Variants in BRCC3 observed in about 807,000 individuals in gnomAD.
The protein encoded by BRCC3 is BRCA1/BRCA2-containing complex subunit 3.
BRCC3 carries 15 observed loss-of-function variants against 28.0 expected under a neutral mutation model. That is an observed-to-expected ratio of 0.54 (90% CI 0.36 to 0.82). BRCC3 has a LOEUF of 0.82. BRCC3 is among the 40% of genes least tolerant of loss of function. The pLI is 0.01. For synonymous variants in BRCC3, 66 were observed against 80.3 expected (o/e 0.82, Z 0.95); for missense variants, 109 against 225.9 (o/e 0.48, Z 3.32).
chrX:155,118,464 A>G (rs1327553090), intron 9 of BRCC3, among the ~76,000 whole-genome samples: 4 of 111,966 alleles, frequency 3.6e-5, no homozygotes, highest in Non-Finnish European at 7.5e-5. Context: ...AATGGTATGT[A>G]TCTTGACTAG....
At chrX:155,085,493 C>T (rs1170041557) in intron 5 of BRCC3, among the ~76,000 whole-genome samples, 3 of 111,932 alleles carry the variant, frequency 2.7e-5, no homozygotes, top group Admixed American at 9.4e-5. Flanking sequence ...TGGTCCAATC[C>T]GTAACCTGCT....
chrX:155,105,005 G>C (rs1239748438), intron 7 of BRCC3, among the ~76,000 whole-genome samples: 1 of 111,737 alleles, frequency 8.9e-6, no homozygotes, highest in East Asian at 2.8e-4. Flanking sequence ...TTGTTTGCTT[G>C]TTTTCCATTT....
intron 7 of BRCC3, among the ~76,000 whole-genome samples, chrX:155,102,249 A>T (rs1557296955): frequency 1.8e-5 from 2 of 111,927 alleles, no homozygotes; most frequent in African/African-American, 6.5e-5. Flanking sequence ...CCATTTATTT[A>T]GGTCTTTAAT....
chrX:155,097,541 A>C (rs2074218341), intron 7 of BRCC3, among the ~76,000 whole-genome samples: 1 of 112,027 alleles, frequency 8.9e-6, no homozygotes, highest in Non-Finnish European at 1.9e-5. Context: ...TGATTCAGCA[A>C]TCCTATTTCC....
At chrX:155,120,603 C>A (rs1557299304) in intron 10 of BRCC3, among the ~76,000 whole-genome samples, 2 of 111,014 alleles carry the variant, frequency 1.8e-5, no homozygotes, top group East Asian at 2.8e-4. Context: ...GAAGGAAGTA[C>A]CCCACCTCTA....
chrX:155,077,866 T>G (rs1557293815), intron 4 of BRCC3, among the ~76,000 whole-genome samples: 1 of 112,265 alleles, frequency 8.9e-6, no homozygotes, highest in Non-Finnish European at 1.9e-5. Flanking sequence ...TCAGGGATCC[T>G]TTCCCTGGCC....
At chrX:155,096,139 A>G (rs1201701410) in intron 7 of BRCC3, among the ~76,000 whole-genome samples, 2 of 112,556 alleles carry the variant, frequency 1.8e-5, no homozygotes, top group Non-Finnish European at 3.8e-5. Flanking sequence ...ATTTGAAAAC[A>G]TAAGTGAAAG....
In BRCC3 at chrX:155,106,262, G is replaced by A. The variant is rs1329442544; in HGVS notation, c.549-9795G>A. Among the ~76,000 whole-genome samples, 7 of 111,013 alleles carry A rather than the reference G, an allele frequency of 6.3e-5. No individual in the cohort carries two copies. In the Admixed American group the frequency reaches 6.7e-4, roughly 11 times the overall value. On this transcript the variant is annotated intron_variant, in intron 7 of 10. Coordinates refer to ENST00000330045, the MANE Select transcript of BRCC3 (RefSeq NM_001018055.3). ...AAGCATTTAACTTCTTTTTTGCTTT[G>A]TTAATGTTTTTTTTCTATTACATCC...
At chrX:155,105,180 A>G (rs1202107492) in intron 7 of BRCC3, among the ~76,000 whole-genome samples, 2 of 112,278 alleles carry the variant, frequency 1.8e-5, no homozygotes, top group Non-Finnish European at 3.8e-5. Flanking sequence ...TTACAAAACC[A>G]TTGTTTAAAA....
At chrX:155,104,762 C>G (rs1172201575) in intron 7 of BRCC3, among the ~76,000 whole-genome samples, 2 of 112,888 alleles carry the variant, frequency 1.8e-5, no homozygotes, top group Non-Finnish European at 3.7e-5. Context: ...AATTCTATTT[C>G]CATACTTTAA....
chrX:155,117,798 A>C (rs1171893732), intron 9 of BRCC3, among the ~76,000 whole-genome samples: 1 of 111,902 alleles, frequency 8.9e-6, no homozygotes, highest in Admixed American at 9.5e-5. Context: ...ACTAAATAGG[A>C]TTGGGACAGT....
intron 5 of BRCC3, among the ~76,000 whole-genome samples, chrX:155,084,466 C>G (rs1407380504): frequency 9.0e-6 from 1 of 111,436 alleles, no homozygotes; most frequent in Non-Finnish European, 1.9e-5. Context: ...AGGTTCGCGC[C>G]ATTCTCCTGC....
At chrX:155,085,362 C>G (rs2074115501) in intron 5 of BRCC3, among the ~76,000 whole-genome samples, 1 of 112,508 alleles carries the variant, frequency 8.9e-6, no homozygotes, top group African/African-American at 3.2e-5. Flanking sequence ...TCTTAAATAC[C>G]TGTGTAATTG....
intron 3 of BRCC3, among the ~76,000 whole-genome samples, chrX:155,075,247 C>T (rs1265017130): frequency 1.9e-5 from 1 of 53,711 alleles, no homozygotes; most frequent in Non-Finnish European, 2.9e-5. Flanking sequence ...TCTCAGATTT[C>T]ACCCTTGTCC....
chrX:155,093,886 A>G (rs1015608941), intron 7 of BRCC3, among the ~76,000 whole-genome samples: 2 of 109,389 alleles, frequency 1.8e-5, no homozygotes, highest in Admixed American at 1.9e-4. Flanking sequence ...TTAAAATTTT[A>G]TCTTCCAACT....
At chrX:155,116,253 C>T (rs1557298753) in intron 8 of BRCC3, 65 bp downstream of exon 8, 1 of 1,063,970 alleles carries the variant, frequency 9.4e-7, no homozygotes, top group African/African-American at 1.9e-5. Context: ...CTTCTTCTGT[C>T]CTTTTCTCTT....
At chrX:155,084,584 T>C (rs781823943) in intron 5 of BRCC3, among the ~76,000 whole-genome samples, 49 of 111,838 alleles carry the variant, frequency 4.4e-4, no homozygotes, top group African/African-American at 1.3e-3. Context: ...AGTATGGTCT[T>C]GATCTCCTGA....
chrX:155,072,282 AAAC>A, intron 1 of BRCC3, 42 bp from the exon 2 acceptor site: 1 of 1,138,694 alleles, frequency 8.8e-7, no homozygotes, highest in Non-Finnish European at 1.2e-6. Context: ...TATGTCAAAC[AAAC>A]GTAATGTGAT....
intron 7 of BRCC3, among the ~76,000 whole-genome samples, chrX:155,092,471 A>G (rs2074181005): frequency 9.0e-6 from 1 of 111,533 alleles, no homozygotes; most frequent in African/African-American, 3.3e-5. Flanking sequence ...TAAAGTGTTT[A>G]TATTGTTATT....
Sources: allele counts gnomAD v4.1 joint callset (sites outside exome capture counted in the v4.1 genomes callset), GRCh38; gene constraint gnomAD v4.1.1; transcripts MANE v1.5; gene names NCBI Gene and HGNC (gene_info 2026-07-23, HGNC 2026-07-21).